The following NEK5 variants were observed in gnomAD, a reference collection of about 807,000 sequenced individuals.
NEK5 encodes serine/threonine-protein kinase Nek5.
NEK5 carries 88 observed loss-of-function variants against 109.2 expected under a neutral mutation model. The observed-to-expected ratio is 0.81, with a 90% CI of 0.68 to 0.96. NEK5 has a LOEUF of 0.96. Ranked by LOEUF, NEK5 falls within the 40% of genes least tolerant of loss-of-function variation. NEK5 has a pLI of 0.00. For synonymous variants in NEK5, 283 were observed against 299.9 expected (o/e 0.94, Z 0.58); for missense variants, 834 against 920.7 (o/e 0.91, Z 1.22).
chr13:52,104,024 A>G (rs531991558), intron 9 of NEK5, among the ~76,000 whole-genome samples: 3 of 152,264 alleles, frequency 2.0e-5, no homozygotes, highest in Admixed American at 6.5e-5. Context: ...CAGTGGCGCA[A>G]TCTCAGCTGA....
chr13:52,060,354 C>CT lies in NEK5; in HGVS notation c.2110+1464dup, dbSNP rs968536871. Among the ~76,000 whole-genome samples, 201 of 151,874 alleles carry CT rather than the reference C, an allele frequency of 1.3e-3. 1 individual carries two copies. In the East Asian group the frequency reaches 0.033, roughly 25 times the overall value. On this transcript the variant is annotated intron_variant, in intron 22 of 23. Coordinates refer to ENST00000684899, the MANE Select transcript of NEK5 (RefSeq NM_001365552.1). ...TTGTAGTGGTAATTAACTTTGTAAACTTTTTTTTGTTTTTTTTTAGACAAA... is the reference window on the plus strand; with the variant it reads ...TTGTAGTGGTAATTAACTTTGTAAACTTTTTTTTTGTTTTTTTTTAGACAAA...
At chr13:52,053,016 T>A (rs1429606044) in intron 22 of NEK5, among the ~76,000 whole-genome samples, 1 of 152,174 alleles carries the variant, frequency 6.6e-6, no homozygotes, top group African/African-American at 2.4e-5. Flanking sequence ...ACATGGTGGC[T>A]CAGGCTGGGT....
At chr13:52,042,293 G>A (rs531376972) in intron 23 of NEK5, among the ~76,000 whole-genome samples, 5 of 151,428 alleles carry the variant, frequency 3.3e-5, no homozygotes, top group Admixed American at 1.3e-4. Flanking sequence ...GGGAAAGCAC[G>A]GGATAGGAAA....
chr13:52,083,265 C>T lies in NEK5; in HGVS notation c.1567G>A (p.Val523Met). The T allele has an allele frequency of 6.2e-7, 1 of 1,604,362 alleles. No individual in the cohort carries two copies. Among genetic ancestry groups the T allele is most frequent in the Non-Finnish European group, 8.5e-7 (1 of 1,171,104 alleles). ...CTGATCATAGCCATCATTACCTGCACAGGTGCTTCTCCCTCAGATGCATCT... is the reference window on the plus strand; with the variant it reads ...CTGATCATAGCCATCATTACCTGCATAGGTGCTTCTCCCTCAGATGCATCT... Reference protein sequence around the residue: ...HQDASEGEAPVQDIEKDLKQM... With the variant: ...HQDASEGEAPMQDIEKDLKQM... The change falls in exon 17 of 24, where the codon GTG becomes ATG. Residue 523 changes from valine to methionine, a missense_variant. By Grantham distance (21) the Val-to-Met change is conservative. Coordinates refer to ENST00000684899, the MANE Select transcript of NEK5 (RefSeq NM_001365552.1).
At chr13:52,037,442 A>C (rs540240522) in intron 23 of NEK5, among the ~76,000 whole-genome samples, 12 of 152,090 alleles carry the variant, frequency 7.9e-5, no homozygotes, top group Non-Finnish European at 1.8e-4. Context: ...AATGTCCATC[A>C]TCTAATGTTT....
chr13:52,080,570 T>G (rs1374388069), intron 17 of NEK5, among the ~76,000 whole-genome samples: 1 of 152,216 alleles, frequency 6.6e-6, no homozygotes, highest in African/African-American at 2.4e-5. Flanking sequence ...TGCCTTGTGA[T>G]CCTGTTGATC....
intron 8 of NEK5, among the ~76,000 whole-genome samples, chr13:52,106,638 G>A (rs1566809402): frequency 2.0e-5 from 3 of 151,990 alleles, no homozygotes; most frequent in South Asian, 2.1e-4. Flanking sequence ...ATGGTGGGGC[G>A]TGCTTGCAGT....
At chr13:52,112,455 A>G (rs1461547210) in intron 4 of NEK5, 90 bp from the exon 5 acceptor site, 2 of 813,034 alleles carry the variant, frequency 2.5e-6, no homozygotes, top group African/African-American at 1.7e-5. Context: ...ACTGGGTTCT[A>G]ATTCCACTAT....
chr13:52,124,757 GTTTGT>G (rs1397406521), intron 3 of NEK5, among the ~76,000 whole-genome samples: 3 of 152,224 alleles, frequency 2.0e-5, no homozygotes, highest in African/African-American at 7.2e-5. Flanking sequence ...TATTTATAGT[GTTTGT>G]TTTGACATAC....
At chr13:52,118,149 A>G (rs1221961156) in intron 4 of NEK5, among the ~76,000 whole-genome samples, 4 of 152,258 alleles carry the variant, frequency 2.6e-5, no homozygotes, top group African/African-American at 4.8e-5. Flanking sequence ...TGCTCTGCAC[A>G]GTTTACATAC....
intron 13 of NEK5, among the ~76,000 whole-genome samples, chr13:52,090,116 T>A (rs561319050): frequency 6.6e-6 from 1 of 152,180 alleles, no homozygotes; most frequent in African/African-American, 2.4e-5. Flanking sequence ...GAAATAATGG[T>A]TTAGCTGTCT....
chr13:52,063,492 C>A (rs1447488186), intron 21 of NEK5, among the ~76,000 whole-genome samples: 1 of 150,756 alleles, frequency 6.6e-6, no homozygotes, highest in African/African-American at 2.4e-5. Flanking sequence ...GCCCGGCCGC[C>A]ACCCCGTCTG....
intron 20 of NEK5, among the ~76,000 whole-genome samples, chr13:52,069,745 C>T (rs888433958): frequency 3.3e-5 from 5 of 152,210 alleles, no homozygotes; most frequent in African/African-American, 1.2e-4. Context: ...ACCACTCTGG[C>T]TCATGCACTT....
chr13:52,128,137 A>C (rs960269594), intron 1 of NEK5, among the ~76,000 whole-genome samples: 1 of 152,170 alleles, frequency 6.6e-6, no homozygotes, highest in African/African-American at 2.4e-5. Flanking sequence ...TTGTGGCTAG[A>C]ACCAAACTCT....
Position 52,034,454 on chromosome 13 carries a change from C to CTT in NEK5, c.*2492_*2493dup, listed in dbSNP as rs965602832. On this transcript the variant is annotated 3_prime_UTR_variant, in exon 24 of 24. Transcript: ENST00000684899. Reference sequence around the variant, plus strand: ...TGACTATTACCTAAAATAGACTAGACTTTAGCCAAGCATCTTTTATCATGG... The same window carrying CTT: ...TGACTATTACCTAAAATAGACTAGACTTTTTAGCCAAGCATCTTTTATCATGG... The CTT allele has an allele frequency of 6.7e-6, 1 of 149,512 alleles. No homozygotes were observed. Among genetic ancestry groups the CTT allele is most frequent in the Non-Finnish European group, 1.5e-5 (1 of 67,722 alleles). 9.3% of individuals were successfully genotyped at this position (149,512 alleles called of 1,614,324 possible).
At chr13:52,073,094 C>T (rs1174269656) in intron 19 of NEK5, among the ~76,000 whole-genome samples, 9 of 152,090 alleles carry the variant, frequency 5.9e-5, no homozygotes. Context: ...TTCAGGGTAC[C>T]TGTTCAATTT....
chr13:52,042,779 T>C, intron 23 of NEK5, among the ~76,000 whole-genome samples: 1 of 152,108 alleles, frequency 6.6e-6, no homozygotes, highest in African/African-American at 2.4e-5. Flanking sequence ...ATTAAAAGAT[T>C]AGAAATATAA....
At chr13:52,103,572 G>A (rs531413465) in intron 9 of NEK5, among the ~76,000 whole-genome samples, 9 of 152,240 alleles carry the variant, frequency 5.9e-5, no homozygotes, top group Admixed American at 3.3e-4. Flanking sequence ...ATGTTGGCCC[G>A]TGGCTGGTGT....
Position 52,072,441 on chromosome 13 carries a change from T to C in NEK5, c.1723-371A>G, listed in dbSNP as rs115443050. Among the ~76,000 whole-genome samples, 361 of 152,350 alleles carry C rather than the reference T, an allele frequency of 2.4e-3. 2 individuals carry two copies. Among genetic ancestry groups the C allele is most frequent in the African/African-American group, 8.3e-3 (345 of 41,576 alleles). ...ACCAGCTCCCTAAATCTGCTCCTAG[T>C]ATTTTGTAGTCAATACCAAAATGAC... On this transcript the variant is annotated intron_variant, in intron 19 of 23. Transcript: ENST00000684899.
Sources: gnomAD v4.1 joint callset for allele counts (sites outside exome capture counted in the v4.1 genomes callset) on GRCh38, gnomAD v4.1.1 for gene constraint, MANE v1.5 for transcripts, NCBI Gene and HGNC (gene_info 2026-07-23, HGNC 2026-07-21) for gene names.